GPHN: variants seen among roughly 807,000 people sequenced by gnomAD.
GPHN encodes gephyrin.
In GPHN, 17 loss-of-function variants were observed where a neutral mutation model predicts 95.5. The observed-to-expected ratio is 0.18, with a 90% CI of 0.12 to 0.27. GPHN has a LOEUF of 0.27. Among genes scored for constraint, GPHN ranks in the 10% least tolerant of loss-of-function variants. The pLI is 1.00. For missense variants in GPHN, 660 were observed against 978.1 expected, an observed-to-expected ratio of 0.67 and a Z score of 4.34; for synonymous variants, 320 against 322.5, an observed-to-expected ratio of 0.99 and a Z score of 0.08.
At chr14:66,787,415 T>G (rs1218087988) in intron 3 of GPHN, among the ~76,000 whole-genome samples, 1 of 152,176 alleles carries the variant, frequency 6.6e-6, no homozygotes, top group Non-Finnish European at 1.5e-5. Context: ...AGTTCTCCCC[T>G]AATTGAACCA....
At chr14:66,548,738 A>G (rs1269545909) in intron 1 of GPHN, among the ~76,000 whole-genome samples, 1 of 152,222 alleles carries the variant, frequency 6.6e-6, no homozygotes. Flanking sequence ...GATTAAATCA[A>G]AAGCTAGAAA....
At chr14:67,311,200 A>C in the GPHN span, among the ~76,000 whole-genome samples, 1 of 151,348 alleles carries the variant, frequency 6.6e-6, no homozygotes, top group Non-Finnish European at 1.5e-5. Flanking sequence ...AATCCCAGCT[A>C]CTCGGGAGGC....
At chr14:66,633,964 T>TA (rs2063963857) in intron 1 of GPHN, among the ~76,000 whole-genome samples, 1 of 151,534 alleles carries the variant, frequency 6.6e-6, no homozygotes, top group Non-Finnish European at 1.5e-5. Context: ...TTTTTTTTTT[T>TA]AATAATATCT....
intron 1 of GPHN, among the ~76,000 whole-genome samples, chr14:66,670,032 G>T (rs2066214548): frequency 6.6e-6 from 1 of 152,068 alleles, no homozygotes; most frequent in Non-Finnish European, 1.5e-5. Context: ...AACATTTTGG[G>T]TCTTATGAGA....
the GPHN span, among the ~76,000 whole-genome samples, chr14:67,411,691 G>C: frequency 6.6e-6 from 1 of 152,308 alleles, no homozygotes; most frequent in East Asian, 1.9e-4. Flanking sequence ...TATTATCTTA[G>C]TAAATATTAT....
At chr14:67,639,623 C>T in the GPHN span, among the ~76,000 whole-genome samples, 1 of 152,010 alleles carries the variant, frequency 6.6e-6, no homozygotes, top group Non-Finnish European at 1.5e-5. Flanking sequence ...ATTGTCCATT[C>T]AAGATCTGTA....
intron 4 of GPHN, among the ~76,000 whole-genome samples, chr14:66,866,280 G>A (rs2063219008): frequency 6.6e-6 from 1 of 151,674 alleles, no homozygotes; most frequent in Non-Finnish European, 1.5e-5. Context: ...TTTAACGTAG[G>A]TTGAAAGACA....
the GPHN span, among the ~76,000 whole-genome samples, chr14:67,640,003 G>A: frequency 6.8e-6 from 1 of 148,000 alleles, no homozygotes; most frequent in African/African-American, 2.5e-5. Context: ...ACTTGATATT[G>A]ACTTGAAGGT....
Position 67,081,340 on chromosome 14 carries a change from T to C in GPHN, c.1145-7643T>C, listed in dbSNP as rs929778135. Among the ~76,000 whole-genome samples the C allele has an allele frequency of 3.9e-5, 6 of 152,230 alleles. No individual in the cohort carries two copies. In the East Asian group the frequency reaches 1.2e-3, roughly 29 times the overall value. On this transcript the variant is annotated intron_variant, in intron 11 of 22. Coordinates refer to ENST00000478722, the MANE Select transcript of GPHN (RefSeq NM_020806.5). ...AGGTGGTATCACATTGTGGTTTTGA[T>C]TTGCATTTTCCTGATCATTGGCGAT...
chr14:67,624,934 C>G, the GPHN span, among the ~76,000 whole-genome samples: 1 of 152,142 alleles, frequency 6.6e-6, no homozygotes, highest in African/African-American at 2.4e-5. Flanking sequence ...CCTGGACAAC[C>G]GATAGCCTGC....
chr14:66,525,718 C>T (rs548811403), intron 1 of GPHN, among the ~76,000 whole-genome samples: 6 of 152,078 alleles, frequency 3.9e-5, no homozygotes, highest in African/African-American at 1.2e-4. Flanking sequence ...TATGGGTAGC[C>T]AGTTTTACGA....
chr14:67,561,235 G>A, the GPHN span, among the ~76,000 whole-genome samples: 1 of 152,196 alleles, frequency 6.6e-6, no homozygotes, highest in Admixed American at 6.5e-5. Context: ...CTCAATAAAA[G>A]TGTGTTGGAC....
chr14:67,674,868 T>G, the GPHN span: 1 of 161,718 alleles, frequency 6.2e-6, no homozygotes, highest in Non-Finnish European at 1.3e-5. Context: ...CGCGGCCGCC[T>G]TCCTCCCGGG....
the GPHN span, among the ~76,000 whole-genome samples, chr14:67,634,594 C>CAA: frequency 7.5e-3 from 861 of 115,268 alleles, 10 homozygotes; most frequent in East Asian, 0.06. Flanking sequence ...ACCGTGTCTC[C>CAA]AAAAAAAAAA....
At chr14:67,165,844 C>A (rs1431536192) in intron 20 of GPHN, among the ~76,000 whole-genome samples, 2 of 152,168 alleles carry the variant, frequency 1.3e-5, no homozygotes, top group Non-Finnish European at 2.9e-5. Context: ...ATAGAAAGAG[C>A]AAAGCAGGTT....
At chr14:67,145,047 T>C (rs1420964439) in intron 18 of GPHN, among the ~76,000 whole-genome samples, 1 of 152,236 alleles carries the variant, frequency 6.6e-6, no homozygotes, top group Non-Finnish European at 1.5e-5. Context: ...AGATCTGCAC[T>C]GTAGTACAGC....
intron 4 of GPHN, among the ~76,000 whole-genome samples, chr14:66,834,134 G>C (rs957020694): frequency 6.6e-6 from 1 of 152,106 alleles, no homozygotes; most frequent in Non-Finnish European, 1.5e-5. Context: ...GCTCTTGGCT[G>C]TGCTCAAAAG....
chr14:67,651,363 A>C, the GPHN span: 1 of 1,613,356 alleles, frequency 6.2e-7, no homozygotes, highest in South Asian at 1.1e-5. Flanking sequence ...GTTCTGGTCC[A>C]CAAACCCTTC....
intron 8 of GPHN, among the ~76,000 whole-genome samples, chr14:66,940,016 G>A (rs1406587555): frequency 2.6e-5 from 4 of 152,106 alleles, no homozygotes; most frequent in Admixed American, 2.0e-4. Flanking sequence ...CAGGGAGAAG[G>A]GGGACCAAAA....
Sources: allele counts gnomAD v4.1 joint callset (sites outside exome capture counted in the v4.1 genomes callset), GRCh38; gene constraint gnomAD v4.1.1; transcripts MANE v1.5; gene names NCBI Gene and HGNC (gene_info 2026-07-23, HGNC 2026-07-21).